FLNB: variants seen among roughly 807,000 people sequenced by gnomAD.
The protein encoded by FLNB is filamin-B.
In FLNB, 111 loss-of-function variants were observed where a neutral mutation model predicts 250.6. The ratio of observed to expected loss-of-function variants is 0.44; its 90% CI spans 0.38 to 0.52. FLNB has a LOEUF of 0.52. FLNB is among the 20% of genes least tolerant of loss of function. The probability of loss-of-function intolerance (pLI) is 0.00; values close to 1 mark genes in which losing one functional copy is unlikely to be tolerated. For missense variants in FLNB, 2,869 were observed against 3,447.8 expected (o/e 0.83, Z 4.20); for synonymous variants, 1,302 against 1,372.1 (o/e 0.95, Z 1.13).
intron 33 of FLNB, 26 bp from the exon 34 acceptor site, chr3:58,146,794 C>A (rs776029564): frequency 1.2e-6 from 2 of 1,613,590 alleles, no homozygotes; most frequent in Non-Finnish European, 1.7e-6. Context: ...TCCCTAACAC[C>A]CCTGCATCCC....
intron 13 of FLNB, among the ~76,000 whole-genome samples, 165 bp downstream of exon 13, chr3:58,108,736 A>G (rs1346910390): frequency 6.6e-6 from 1 of 152,158 alleles, no homozygotes; most frequent in African/African-American, 2.4e-5. Flanking sequence ...TGAGACTACC[A>G]TGTAGAGTAC....
rs10628113 is a variant in FLNB, at chr3:58,080,791, C to CTTT, written c.640-826_640-824dup. Among the ~76,000 whole-genome samples, 114 of 136,994 alleles carry CTTT rather than the reference C, an allele frequency of 8.3e-4. 1 individual carries two copies. The highest frequency in any genetic ancestry group is 2.0e-3 in the African/African-American group (75 of 37,084). 89.9% of individuals were successfully genotyped at this position (136,994 alleles called of 152,430 possible). On this transcript the variant is annotated intron_variant, in intron 3 of 45. Coordinates refer to ENST00000295956, the MANE Select transcript of FLNB (RefSeq NM_001457.4). ...ACAGGTGTGAGCTACTGCGTCTGGC[C>CTTT]TTTTTTTTTTTTTTAAAGAGACAGC... is the stretch of plus-strand genomic sequence containing the variant.
intron 20 of FLNB, among the ~76,000 whole-genome samples, chr3:58,122,600 G>A (rs1293132476): frequency 2.0e-5 from 3 of 152,162 alleles, no homozygotes; most frequent in Non-Finnish European, 2.9e-5. Flanking sequence ...CTATGAAGGT[G>A]TCTTATTTGT....
At position 58,018,579 on chromosome 3, in the gene FLNB, G is replaced by A. The variant is rs144712381; in HGVS notation, c.292+9723G>A. On this transcript the variant is annotated intron_variant, in intron 1 of 45. Coordinates refer to ENST00000295956, the MANE Select transcript of FLNB (RefSeq NM_001457.4). The stretch of plus-strand genomic sequence containing the variant: ...CACCCAGGCTGGAGTACAGTGGCGC[G>A]ATCTTGGCTCACTGCAACCTCTGCC... Among the ~76,000 whole-genome samples, 612 of 149,406 alleles carry A rather than the reference G, an allele frequency of 4.1e-3. 4 individuals carry two copies. The highest frequency in any genetic ancestry group is 0.014 in the African/African-American group (577 of 40,646).
intron 3 of FLNB, 141 bp from the exon 4 acceptor site, chr3:58,081,488 G>A (rs1368186270): frequency 1.1e-6 from 1 of 894,758 alleles, no homozygotes; most frequent in Non-Finnish European, 1.9e-6. Context: ...TGGTGTGTTG[G>A]TTTAAAGTAA....
chr3:58,060,572 C>T (rs772624660), intron 1 of FLNB, among the ~76,000 whole-genome samples: 3 of 151,246 alleles, frequency 2.0e-5, no homozygotes, highest in African/African-American at 2.4e-5. Flanking sequence ...AGGCTGGTCT[C>T]GAACTCCTGA....
rs772200804 is a variant in FLNB, at chr3:58,109,162, C to T, written c.2056-17C>T. 1 of 1,614,174 alleles carries T rather than the reference C, an allele frequency of 6.2e-7. No homozygotes were observed. Among genetic ancestry groups the T allele is most frequent in the Admixed American group, 1.7e-5 (1 of 60,022 alleles). ...GTGTGAGGGCCACCTCTGGTCCTAG[C>T]TCTGGCTTTTTTGCAGGATGGGGAA... On this transcript the variant is annotated splice_polypyrimidine_tract_variant and intron_variant, in intron 13 of 45. Coordinates refer to ENST00000295956, the MANE Select transcript of FLNB (RefSeq NM_001457.4).
At position 58,094,960 on chromosome 3, in the gene FLNB, T is replaced by C. The variant is rs756644134; in HGVS notation, c.906+6T>C. On this transcript the variant is annotated splice_donor_region_variant and intron_variant, in intron 5 of 45. Coordinates refer to ENST00000295956, the MANE Select transcript of FLNB (RefSeq NM_001457.4). The stretch of plus-strand genomic sequence containing the variant: ...CAGAAGGGAACAAAGAGGAGGTATG[T>C]TGGAGGATGCTGCCTCTCCTTTCCA... 1.9e-6 allele frequency: 3 copies of C among 1,603,866 alleles called. No homozygotes were observed. The highest frequency in any genetic ancestry group is 2.2e-5 in the South Asian group (2 of 90,884).
Position 58,134,632 on chromosome 3 carries a change from G to A in FLNB, c.4531G>A (p.Val1511Ile). The change falls in exon 27 of 46, where the codon GTC (valine) becomes ATC (isoleucine). Residue 1511 changes from valine (V) to isoleucine (I), a missense_variant. Val to Ile is a conservative substitution (Grantham distance 29). Coordinates refer to ENST00000295956, the MANE Select transcript of FLNB (RefSeq NM_001457.4). ...TCTATCAAGTCCCTTCAAGGTCAAG[G>A]TCCTTCCCACATATGATGCCAGCAA... Reference protein sequence around the residue: ...EIPRSPFKVKVLPTYDASKVT... With the variant: ...EIPRSPFKVKILPTYDASKVT... 6.2e-7 allele frequency: 1 copy of A among 1,614,046 alleles called. No homozygotes were observed. The highest frequency in any genetic ancestry group is 8.5e-7 in the Non-Finnish European group (1 of 1,180,002).
intron 4 of FLNB, 51 bp from the exon 5 acceptor site, chr3:58,094,785 C>G (rs761549302): frequency 2.0e-6 from 3 of 1,479,124 alleles, no homozygotes; most frequent in African/African-American, 1.4e-5. Context: ...GGCGATGGCT[C>G]ATGACACACC....
rs369988979 is a variant in FLNB at position 58,138,497 on chromosome 3, G to C, written c.5077G>C (p.Val1693Leu). 3.1e-6 allele frequency: 5 copies of C among 1,614,254 alleles called. No homozygotes were observed. The highest frequency in any genetic ancestry group is 4.5e-5 in the East Asian group (2 of 44,894). Residue 1693 changes from valine to leucine, a missense_variant, in exon 29 of 46, where the codon GTT becomes CTT. By Grantham distance (32) the Val-to-Leu change is conservative (BLOSUM62 1). Coordinates refer to ENST00000295956, the MANE Select transcript of FLNB (RefSeq NM_001457.4). ...TYVIYVRFGG[V>L]DIPNSPFTVM... ...TGTGATCTATGTGCGCTTCGGTGGTGTTGATATTCCTAACAGCCCCTTCAC... is the reference window on the plus strand; with the variant it reads ...TGTGATCTATGTGCGCTTCGGTGGTCTTGATATTCCTAACAGCCCCTTCAC...
intron 38 of FLNB, chr3:58,151,407 AAAAAAAAAGAG>A (rs1342797861): frequency 2.4e-4 from 37 of 151,298 alleles, no homozygotes; most frequent in African/African-American, 8.5e-4. Context: ...AAAAAAAAAA[AAAAAAAAAGAG>A]CTGTACTGAT....
At chr3:58,110,257 T>C in intron 16 of FLNB, 87 bp downstream of exon 16, 1 of 1,369,690 alleles carries the variant, frequency 7.3e-7, no homozygotes, top group Non-Finnish European at 1.0e-6. Flanking sequence ...TACTTTTTGG[T>C]GTTTTGTTAG....
chr3:58,044,066 G>A (rs2097150003), intron 1 of FLNB, among the ~76,000 whole-genome samples: 1 of 152,166 alleles, frequency 6.6e-6, no homozygotes, highest in Non-Finnish European at 1.5e-5. Context: ...CATTTCACTC[G>A]GTGTAGCCAT....
At chr3:58,143,688 C>A in intron 32 of FLNB, 75 bp downstream of exon 32, 1 of 1,573,894 alleles carries the variant, frequency 6.4e-7, no homozygotes, top group Non-Finnish European at 8.7e-7. Flanking sequence ...ACTCCTCAGC[C>A]GCTTTGCAGG....
intron 1 of FLNB, among the ~76,000 whole-genome samples, chr3:58,011,603 T>G (rs1172294710): frequency 6.6e-6 from 1 of 152,216 alleles, no homozygotes; most frequent in Non-Finnish European, 1.5e-5. Context: ...GTAATGGTCC[T>G]TCATCCTTCA....
chr3:58,067,962 A>G (rs1029086989), intron 1 of FLNB, among the ~76,000 whole-genome samples: 1 of 152,170 alleles, frequency 6.6e-6, no homozygotes, highest in African/African-American at 2.4e-5. Context: ...TTGGCAGGGC[A>G]TCTGATACTG....
chr3:58,131,667 A>T (rs1486193063), intron 25 of FLNB, among the ~76,000 whole-genome samples: 1 of 152,212 alleles, frequency 6.6e-6, no homozygotes, highest in South Asian at 2.1e-4. Flanking sequence ...TTTGAAGAGG[A>T]ACCTTCTCCT....
Position 58,102,266 on chromosome 3 carries a change from G to C in FLNB, c.1409G>C (p.Arg470Pro), listed in dbSNP as rs750354519. Residue 470 changes from arginine to proline, a missense_variant, in exon 9 of 46, where the codon CGG becomes CCG. Around this residue, in one of 5 missense-constraint regions of FLNB, gnomAD observed 1,348 missense variants for 1,466.7 expected, o/e 0.92. Coordinates refer to ENST00000295956, the MANE Select transcript of FLNB (RefSeq NM_001457.4). The part of the protein sequence containing the change: ...RGLQPKGVRI[R>P]ETTDFKVDTK... ...CTACAACCCAAAGGCGTCCGTATCC[G>C]GGAGACCACAGATTTCAAGGTTGAC... is the stretch of plus-strand genomic sequence containing the variant. 10 of 1,614,060 alleles carry C rather than the reference G, an allele frequency of 6.2e-6. No homozygotes were observed. The highest frequency in any genetic ancestry group is 4.5e-5 in the East Asian group (2 of 44,908).
Sources: gnomAD v4.1 joint callset for allele counts (sites outside exome capture counted in the v4.1 genomes callset) on GRCh38, gnomAD v4.1.1 for gene constraint, gnomAD v4.1.1 regional missense constraint, MANE v1.5 for transcripts, NCBI Gene and HGNC (gene_info 2026-07-23, HGNC 2026-07-21) for gene names.